KALRN: variants seen among roughly 807,000 people sequenced by gnomAD.
KALRN encodes the protein kalirin.
In KALRN, 70 loss-of-function variants were observed where a neutral mutation model predicts 353.7. That is an observed-to-expected ratio of 0.20 (90% CI 0.16 to 0.24). The LOEUF is 0.24. KALRN is among the 10% of genes least tolerant of loss of function. The probability of loss-of-function intolerance (pLI) is 1.00; values close to 1 mark genes in which losing one functional copy is unlikely to be tolerated. For missense variants in KALRN, 2,791 were observed against 3,756.7 expected, an observed-to-expected ratio of 0.74 and a Z score of 6.72; for synonymous variants, 1,391 against 1,434.8, an observed-to-expected ratio of 0.97 and a Z score of 0.69.
chr3:124,296,984 T>C (rs2149198648), intron 5 of KALRN, among the ~76,000 whole-genome samples: 1 of 152,256 alleles, frequency 6.6e-6, no homozygotes, highest in South Asian at 2.1e-4. Context: ...TCAGTAGATG[T>C]TTTTTTGAGT....
At chr3:124,207,446 T>C (rs1317083977) in intron 1 of KALRN, among the ~76,000 whole-genome samples, 3 of 152,170 alleles carry the variant, frequency 2.0e-5, no homozygotes, top group African/African-American at 4.8e-5. Flanking sequence ...GGGCTGGGGA[T>C]TCATCCCAGG....
chr3:124,116,187 T>G (rs1578226022), intron 1 of KALRN, among the ~76,000 whole-genome samples: 1 of 152,330 alleles, frequency 6.6e-6, no homozygotes, highest in East Asian at 1.9e-4. Flanking sequence ...AGACTACATC[T>G]TCTGTTCCAG....
At chr3:124,550,892 G>A (rs1162535624) in intron 33 of KALRN, among the ~76,000 whole-genome samples, 6 of 152,092 alleles carry the variant, frequency 3.9e-5, no homozygotes, top group African/African-American at 7.2e-5. Flanking sequence ...GGGAGGCTGC[G>A]GCAGGAGAAT....
At chr3:124,308,284 A>G (rs2149281978) in intron 6 of KALRN, among the ~76,000 whole-genome samples, 1 of 152,120 alleles carries the variant, frequency 6.6e-6, no homozygotes, top group East Asian at 1.9e-4. Context: ...GAAATAGAAT[A>G]CCTAAACAAA....
intron 34 of KALRN, among the ~76,000 whole-genome samples, chr3:124,577,898 C>T (rs2651615): frequency 6.6e-6 from 1 of 151,642 alleles, no homozygotes; most frequent in Non-Finnish European, 1.5e-5. Context: ...AACAAAACCC[C>T]CCACCATATT....
intron 1 of KALRN, among the ~76,000 whole-genome samples, chr3:124,166,097 C>T (rs980916075): frequency 5.9e-5 from 9 of 152,132 alleles, no homozygotes; most frequent in African/African-American, 1.9e-4. Context: ...CTCAAAGTGG[C>T]CTTTCTTAAC....
At chr3:124,452,141 C>A (rs2058846033) in intron 21 of KALRN, among the ~76,000 whole-genome samples, 1 of 152,222 alleles carries the variant, frequency 6.6e-6, no homozygotes, top group Non-Finnish European at 1.5e-5. Context: ...GGTGCCACCA[C>A]AATCACCTAT....
chr3:124,093,680 C>T (rs942739476), intron 1 of KALRN, among the ~76,000 whole-genome samples: 1 of 151,966 alleles, frequency 6.6e-6, no homozygotes, highest in Non-Finnish European at 1.5e-5. Flanking sequence ...CGAGTAACTG[C>T]GAAGTTCAGG....
chr3:124,647,311 C>G (rs1010403334), intron 37 of KALRN, among the ~76,000 whole-genome samples: 1 of 152,152 alleles, frequency 6.6e-6, no homozygotes, highest in African/African-American at 2.4e-5. Flanking sequence ...TCCTTTAATA[C>G]CTACTCACCC....
intron 38 of KALRN, among the ~76,000 whole-genome samples, chr3:124,651,183 G>A (rs180831195): frequency 1.3e-5 from 2 of 152,300 alleles, no homozygotes; most frequent in East Asian, 1.9e-4. Context: ...TGTGGTTGTA[G>A]GTCTGTTAGA....
chr3:124,233,572 C>T (rs2079421634), intron 2 of KALRN, among the ~76,000 whole-genome samples: 1 of 152,194 alleles, frequency 6.6e-6, no homozygotes, highest in South Asian at 2.1e-4. Flanking sequence ...TCTCTGCAGC[C>T]TCCTTACTTC....
At chr3:124,398,898 G>C in intron 13 of KALRN, 27 bp downstream of exon 13, 1 of 1,578,630 alleles carries the variant, frequency 6.3e-7, no homozygotes, top group Non-Finnish European at 8.6e-7. Context: ...AGGGGAGGTG[G>C]AGAGGGGCCA....
At chr3:124,041,426 T>C (rs2039957572) in intron 1 of KALRN, among the ~76,000 whole-genome samples, 1 of 152,198 alleles carries the variant, frequency 6.6e-6, no homozygotes, top group African/African-American at 2.4e-5. Flanking sequence ...TCTAAGTGCC[T>C]CTTCTGACAA....
At chr3:124,169,364 C>T (rs1389259015) in intron 1 of KALRN, among the ~76,000 whole-genome samples, 3 of 152,064 alleles carry the variant, frequency 2.0e-5, no homozygotes, top group Admixed American at 6.6e-5. Flanking sequence ...CTTACTGGGT[C>T]AGGGAGGATC....
intron 33 of KALRN, among the ~76,000 whole-genome samples, chr3:124,551,842 C>T (rs2070576501): frequency 6.6e-6 from 1 of 152,206 alleles, no homozygotes; most frequent in African/African-American, 2.4e-5. Context: ...TCCCTGACTG[C>T]TGTATGCCCC....
At chr3:124,034,717 T>C (rs1375797530) in intron 1 of KALRN, among the ~76,000 whole-genome samples, 1 of 152,050 alleles carries the variant, frequency 6.6e-6, no homozygotes, top group Non-Finnish European at 1.5e-5. Context: ...ATTCCCCGTC[T>C]CCCTGTACCT....
chr3:124,060,846 T>C (rs2041942415), intron 1 of KALRN, among the ~76,000 whole-genome samples: 1 of 152,210 alleles, frequency 6.6e-6, no homozygotes, highest in African/African-American at 2.4e-5. Context: ...ACCTTCCCTC[T>C]GCTAGGTGGA....
chr3:124,279,520 G>A (rs2149026839), intron 5 of KALRN, among the ~76,000 whole-genome samples: 2 of 152,316 alleles, frequency 1.3e-5, no homozygotes, highest in South Asian at 4.1e-4. Flanking sequence ...AGAGTGGAAA[G>A]TAGGCAGCCT....
intron 48 of KALRN, among the ~76,000 whole-genome samples, chr3:124,672,671 T>C (rs1009408960): frequency 2.0e-5 from 3 of 152,200 alleles, no homozygotes; most frequent in Non-Finnish European, 2.9e-5. Flanking sequence ...GACTCAACCA[T>C]AGACTTAGTC....
Sources: allele counts gnomAD v4.1 joint callset (sites outside exome capture counted in the v4.1 genomes callset), GRCh38; gene constraint gnomAD v4.1.1; transcripts MANE v1.5; gene names NCBI Gene and HGNC (gene_info 2026-07-23, HGNC 2026-07-21).